Variants in ZNF385D observed in about 807,000 individuals in gnomAD.
The protein encoded by ZNF385D is zinc finger protein 385D.
ZNF385D carries 15 observed loss-of-function variants against 35.8 expected under a neutral mutation model. That is an observed-to-expected ratio of 0.42 (90% CI 0.28 to 0.64). The LOEUF (loss-of-function observed/expected upper bound fraction) is 0.64, where lower values mean the gene tolerates loss of function less well. Among genes scored for constraint, ZNF385D ranks in the 30% least tolerant of loss-of-function variants. ZNF385D has a pLI of 0.23. For missense variants in ZNF385D, 474 were observed against 494.6 expected (o/e 0.96, Z 0.39); for synonymous variants, 212 against 186.8 (o/e 1.13, Z -1.10).
At chr3:21,961,076 T>C (rs1702561921) in intron 3 of ZNF385D, among the ~76,000 whole-genome samples, 1 of 152,120 alleles carries the variant, frequency 6.6e-6, no homozygotes, top group Non-Finnish European at 1.5e-5. Flanking sequence ...ATTTTTGATG[T>C]TCATAACACA....
chr3:22,270,706 C>T (rs1421422557), intron 2 of ZNF385D, among the ~76,000 whole-genome samples: 2 of 151,602 alleles, frequency 1.3e-5, no homozygotes, highest in Non-Finnish European at 2.9e-5. Context: ...ATGATTTGTG[C>T]TTTTTTTTAC....
At chr3:21,998,307 T>C (rs1695612414) in intron 3 of ZNF385D, among the ~76,000 whole-genome samples, 1 of 152,174 alleles carries the variant, frequency 6.6e-6, no homozygotes, top group Admixed American at 6.5e-5. Context: ...TGTGCACCGG[T>C]GCTCTAATAC....
At chr3:22,256,740 T>G (rs910941571) in intron 2 of ZNF385D, among the ~76,000 whole-genome samples, 7 of 152,064 alleles carry the variant, frequency 4.6e-5, no homozygotes, top group Middle Eastern at 6.8e-3. Flanking sequence ...ATATATGTAC[T>G]CATTCTACTA....
chr3:21,955,016 T>C (rs916524927), intron 3 of ZNF385D, among the ~76,000 whole-genome samples: 1 of 152,198 alleles, frequency 6.6e-6, no homozygotes, highest in Non-Finnish European at 1.5e-5. Flanking sequence ...TGCTTAAGAC[T>C]GACTTTTAAC....
chr3:22,201,062 CTAAAG>C (rs1380206161), intron 2 of ZNF385D, among the ~76,000 whole-genome samples: 11 of 151,836 alleles, frequency 7.2e-5, no homozygotes, highest in Non-Finnish European at 1.6e-4. Flanking sequence ...GATTAAGAGA[CTAAAG>C]TAAAGACAGG....
chr3:21,574,401 A>G (rs1013714171), intron 2 of ZNF385D, among the ~76,000 whole-genome samples: 14 of 152,190 alleles, frequency 9.2e-5, no homozygotes, highest in African/African-American at 1.2e-4. Context: ...GGTAAGACCT[A>G]TAACTAAAGA....
At chr3:21,509,016 C>A (rs560137457) in intron 4 of ZNF385D, among the ~76,000 whole-genome samples, 1 of 146,938 alleles carries the variant, frequency 6.8e-6, no homozygotes, top group South Asian at 2.3e-4. Flanking sequence ...CTCGCTCTAT[C>A]GCCCAGGCTG....
At chr3:21,921,518 A>C (rs1700460487) in intron 3 of ZNF385D, among the ~76,000 whole-genome samples, 1 of 148,456 alleles carries the variant, frequency 6.7e-6, no homozygotes, top group Non-Finnish European at 1.5e-5. Context: ...CCAGAAGTAA[A>C]TCTTATGATA....
chr3:21,934,360 A>G (rs1472440756), intron 3 of ZNF385D, among the ~76,000 whole-genome samples: 1 of 152,216 alleles, frequency 6.6e-6, no homozygotes, highest in African/African-American at 2.4e-5. Context: ...CACTCCAAAT[A>G]AAAACAATTT....
chr3:21,442,885 A>ATGTG (rs1701935602), intron 4 of ZNF385D, among the ~76,000 whole-genome samples: 1 of 29,434 alleles, frequency 3.4e-5, no homozygotes, highest in African/African-American at 1.4e-4. Flanking sequence ...ATCTGTGTAT[A>ATGTG]AGTGTGTGTG....
intron 2 of ZNF385D, among the ~76,000 whole-genome samples, chr3:22,192,477 C>T (rs539402124): frequency 6.6e-6 from 1 of 152,094 alleles, no homozygotes; most frequent in Non-Finnish European, 1.5e-5. Flanking sequence ...GTGTGTGACT[C>T]CTCAGGCTAG....
intron 2 of ZNF385D, among the ~76,000 whole-genome samples, chr3:22,212,237 A>C (rs897845155): frequency 1.3e-5 from 2 of 152,000 alleles, no homozygotes; most frequent in African/African-American, 4.8e-5. Context: ...ACGCTGCCTC[A>C]TCCCACCTCC....
rs138273609 is a variant in ZNF385D, at chr3:21,980,703, C to A, written c.325+188114G>T. Among the ~76,000 whole-genome samples, 16 of 152,202 alleles carry A rather than the reference C, an allele frequency of 1.1e-4. No homozygotes were observed. In the East Asian group the frequency reaches 3.1e-3, roughly 29 times the overall value. On this transcript the variant is annotated intron_variant, in intron 3 of 5. Transcript: ENST00000494108. ...GTATCCAATAGTTATCTTTGCTGTT[C>A]CTATCCCTCCTCTTTCTTCCAACCT...
chr3:22,361,588 T>C (rs1204073594), intron 2 of ZNF385D, among the ~76,000 whole-genome samples: 1 of 152,096 alleles, frequency 6.6e-6, no homozygotes, highest in African/African-American at 2.4e-5. Flanking sequence ...TGTCATTTAT[T>C]GATTGTTCTC....
intron 2 of ZNF385D, among the ~76,000 whole-genome samples, chr3:21,601,541 A>G (rs934957301): frequency 3.3e-5 from 5 of 152,206 alleles, no homozygotes; most frequent in African/African-American, 1.2e-4. Flanking sequence ...AAAAGTCTAA[A>G]AAGAAACAGC....
chr3:21,778,123 A>T (rs554589667), intron 3 of ZNF385D, among the ~76,000 whole-genome samples: 1 of 152,088 alleles, frequency 6.6e-6, no homozygotes, highest in East Asian at 1.9e-4. Context: ...TACAACATAC[A>T]CACTCAATGC....
rs571109353 is a variant in ZNF385D at position 22,090,768 on chromosome 3, A to G, written c.325+78049T>C. 4.6e-5 allele frequency among the ~76,000 whole-genome samples: 7 copies of G among 152,280 alleles called. No homozygotes were observed. The East Asian group carries it at 1.4e-3, about 29-fold the overall frequency. ...GAACCAAATGAAATTGACAACACTGAATGTACGAACCACTCTGAGGCCTCT... is the reference window on the plus strand; with the variant it reads ...GAACCAAATGAAATTGACAACACTGGATGTACGAACCACTCTGAGGCCTCT... On this transcript the variant is annotated intron_variant, in intron 3 of 5. Transcript: ENST00000494108.
In ZNF385D at chr3:21,684,178, C is replaced by T. The variant is rs182897909; in HGVS notation, c.23-19150G>A. Among the ~76,000 whole-genome samples the T allele has an allele frequency of 5.6e-4, 83 of 149,456 alleles. 5 individuals are homozygous for T. Among genetic ancestry groups the T allele is most frequent in the African/African-American group, 1.7e-3 (70 of 40,594 alleles). ...TGTCTCCTGTAACAACTTTCAAGCA[C>T]GCTCTTTTTACTCCTGGCCCCTTTA... is the stretch of plus-strand genomic sequence containing the variant. On this transcript the variant is annotated intron_variant, in intron 1 of 7. Transcript: ENST00000281523.
At chr3:21,434,083 C>G (rs754445169) in intron 5 of ZNF385D, among the ~76,000 whole-genome samples, 3 of 152,052 alleles carry the variant, frequency 2.0e-5, no homozygotes, top group African/African-American at 4.8e-5. Context: ...GAAATAGAAT[C>G]GGAATTAATT....
Sources: allele counts gnomAD v4.1 joint callset (sites outside exome capture counted in the v4.1 genomes callset), GRCh38; gene constraint gnomAD v4.1.1; transcripts MANE v1.5; gene names NCBI Gene and HGNC (gene_info 2026-07-23, HGNC 2026-07-21).